The following ZBTB20 variants were observed in gnomAD, a reference collection of about 807,000 sequenced individuals.
ZBTB20 encodes zinc finger and BTB domain-containing protein 20.
A neutral mutation model predicts 56.9 loss-of-function variants in ZBTB20; 9 were observed. The ratio of observed to expected loss-of-function variants is 0.16; its 90% CI spans 0.10 to 0.28. ZBTB20 has a LOEUF of 0.28. ZBTB20 is among the 10% of genes least tolerant of loss of function. ZBTB20 has a pLI of 1.00. For missense variants in ZBTB20, 655 were observed against 1,003.0 expected, an observed-to-expected ratio of 0.65 and a Z score of 4.69; for synonymous variants, 417 against 420.7, an observed-to-expected ratio of 0.99 and a Z score of 0.11.
intron 4 of ZBTB20, among the ~76,000 whole-genome samples, chr3:114,809,762 CAT>C (rs2072381913): frequency 1.3e-5 from 2 of 152,080 alleles, no homozygotes; most frequent in Admixed American, 1.3e-4. Context: ...CTGTTTATTA[CAT>C]GTCTCATTTT....
chr3:114,898,134 G>A (rs933765919), intron 4 of ZBTB20, among the ~76,000 whole-genome samples: 2 of 152,070 alleles, frequency 1.3e-5, no homozygotes, highest in Non-Finnish European at 2.9e-5. Context: ...CTGACCCAAA[G>A]GAATTAAACA....
chr3:114,822,829 A>G (rs2073327228), intron 4 of ZBTB20, among the ~76,000 whole-genome samples: 1 of 152,108 alleles, frequency 6.6e-6, no homozygotes, highest in African/African-American at 2.4e-5. Flanking sequence ...GACTTCTACA[A>G]GTAGAATCAG....
chr3:115,134,185 A>T (rs2084590403), intron 1 of ZBTB20, among the ~76,000 whole-genome samples: 1 of 152,178 alleles, frequency 6.6e-6, no homozygotes. Context: ...GCTAATTTTC[A>T]TTGGCTTTTA....
chr3:114,391,100 T>C (rs1055014140), intron 7 of ZBTB20, among the ~76,000 whole-genome samples: 1 of 152,178 alleles, frequency 6.6e-6, no homozygotes, highest in Non-Finnish European at 1.5e-5. Flanking sequence ...ATTTCTCCCT[T>C]TGCTACCTAC....
intron 6 of ZBTB20, among the ~76,000 whole-genome samples, chr3:114,583,334 T>C (rs533797583): frequency 3.9e-5 from 6 of 152,214 alleles, no homozygotes; most frequent in African/African-American, 1.4e-4. Context: ...AAGTGAAAAA[T>C]ACAGTATTTA....
intron 1 of ZBTB20, among the ~76,000 whole-genome samples, chr3:115,140,822 A>T (rs2084792804): frequency 6.6e-6 from 1 of 152,054 alleles, no homozygotes; most frequent in Non-Finnish European, 1.5e-5. Context: ...TAAAAGCCAA[A>T]AGTAATTGAA....
chr3:114,420,935 C>T (rs2089102880), intron 7 of ZBTB20, among the ~76,000 whole-genome samples: 1 of 152,080 alleles, frequency 6.6e-6, no homozygotes, highest in Non-Finnish European at 1.5e-5. Context: ...TCTAGAGAAC[C>T]AGTTTTATGA....
intron 4 of ZBTB20, among the ~76,000 whole-genome samples, chr3:114,820,244 T>G (rs1467564524): frequency 6.6e-6 from 1 of 151,902 alleles, no homozygotes; most frequent in Non-Finnish European, 1.5e-5. Flanking sequence ...TAATTAAAAT[T>G]TTTTGGTACA....
At chr3:114,872,466 C>T (rs2076049481) in intron 4 of ZBTB20, among the ~76,000 whole-genome samples, 1 of 151,844 alleles carries the variant, frequency 6.6e-6, no homozygotes, top group African/African-American at 2.4e-5. Flanking sequence ...GAAGTAAAAG[C>T]ACATAAGAAA....
At chr3:114,383,315 G>A (rs1206363536) in intron 8 of ZBTB20, among the ~76,000 whole-genome samples, 10 of 152,186 alleles carry the variant, frequency 6.6e-5, no homozygotes, top group Admixed American at 6.5e-4. Context: ...GTGTGCTTCA[G>A]AAAATTAAGA....
intron 5 of ZBTB20, among the ~76,000 whole-genome samples, chr3:114,707,573 G>C (rs770330896): frequency 6.6e-6 from 1 of 152,124 alleles, no homozygotes; most frequent in Non-Finnish European, 1.5e-5. Context: ...GAACAGTTTT[G>C]AAAATGTCGG....
intron 1 of ZBTB20, among the ~76,000 whole-genome samples, chr3:115,077,275 T>C (rs902273567): frequency 6.6e-6 from 1 of 152,180 alleles, no homozygotes; most frequent in Non-Finnish European, 1.5e-5. Context: ...CCCAAATTCA[T>C]ACGTTGAAAC....
intron 3 of ZBTB20, among the ~76,000 whole-genome samples, chr3:114,924,558 G>T (rs1484180487): frequency 6.6e-6 from 1 of 152,124 alleles, no homozygotes; most frequent in African/African-American, 2.4e-5. Flanking sequence ...GGGGATGGTG[G>T]TGGAGAAAAT....
chr3:114,910,087 A>G (rs2075471250), intron 3 of ZBTB20, among the ~76,000 whole-genome samples: 1 of 151,962 alleles, frequency 6.6e-6, no homozygotes, highest in African/African-American at 2.4e-5. Context: ...GAAAAAACAA[A>G]TCTATTTGGA....
intron 7 of ZBTB20, among the ~76,000 whole-genome samples, chr3:114,443,331 C>G (rs2091050787): frequency 6.6e-6 from 1 of 152,156 alleles, no homozygotes; most frequent in South Asian, 2.1e-4. Flanking sequence ...GCTCATTAAT[C>G]ACATGAACCA....
chr3:114,921,374 C>T (rs770170718), intron 3 of ZBTB20, among the ~76,000 whole-genome samples: 41 of 152,146 alleles, frequency 2.7e-4, no homozygotes, highest in Non-Finnish European at 7.4e-5. Context: ...CTGCATGTCT[C>T]AGCCTCCCAA....
intron 2 of ZBTB20, among the ~76,000 whole-genome samples, chr3:115,018,115 T>G (rs1229683939): frequency 6.6e-6 from 1 of 151,442 alleles, no homozygotes; most frequent in Non-Finnish European, 1.5e-5. Context: ...TCTAATTTTG[T>G]ACCAAGTTTA....
chr3:114,932,268 C>T (rs904015258), intron 3 of ZBTB20, among the ~76,000 whole-genome samples: 1 of 152,170 alleles, frequency 6.6e-6, no homozygotes, highest in African/African-American at 2.4e-5. Context: ...ATCCAATCCA[C>T]AGAATTTATT....
chr3:114,841,400 T>C (rs1320089366), intron 4 of ZBTB20, among the ~76,000 whole-genome samples: 3 of 152,030 alleles, frequency 2.0e-5, no homozygotes, highest in African/African-American at 4.8e-5. Context: ...GACTAGAGCA[T>C]AGAATGCTAG....
Sources: gnomAD v4.1 joint callset for allele counts (sites outside exome capture counted in the v4.1 genomes callset) on GRCh38, gnomAD v4.1.1 for gene constraint, MANE v1.5 for transcripts, NCBI Gene and HGNC (gene_info 2026-07-23, HGNC 2026-07-21) for gene names.